Variants in PLCL1 observed in about 807,000 individuals in gnomAD.
The protein encoded by PLCL1 is inactive phospholipase C-like protein 1.
A neutral mutation model predicts 84.4 loss-of-function variants in PLCL1; 41 were observed. The observed-to-expected ratio is 0.49, with a 90% CI of 0.38 to 0.63. The LOEUF is 0.63. Ranked by LOEUF, PLCL1 falls within the 30% of genes least tolerant of loss-of-function variation. The probability of loss-of-function intolerance (pLI) is 0.00; values close to 1 mark genes in which losing one functional copy is unlikely to be tolerated. For missense variants in PLCL1, 1,206 were observed against 1,367.8 expected, an observed-to-expected ratio of 0.88 and a Z score of 1.87; for synonymous variants, 490 against 488.3, an observed-to-expected ratio of 1.00 and a Z score of -0.05.
intron 1 of PLCL1, among the ~76,000 whole-genome samples, chr2:197,893,157 C>T (rs548276999): frequency 1.6e-4 from 24 of 152,296 alleles, no homozygotes; most frequent in Non-Finnish European, 2.8e-4. Flanking sequence ...ATATAACCAA[C>T]AGATGAATTA....
intron 1 of PLCL1, among the ~76,000 whole-genome samples, chr2:198,068,971 G>T (rs1207188844): frequency 6.6e-6 from 1 of 152,002 alleles, no homozygotes; most frequent in African/African-American, 2.4e-5. Context: ...GGAGGCGGAG[G>T]TTGCAGTGAG....
At chr2:197,983,762 G>A (rs1361350951) in intron 1 of PLCL1, among the ~76,000 whole-genome samples, 1 of 152,192 alleles carries the variant, frequency 6.6e-6, no homozygotes, top group Admixed American at 6.5e-5. Flanking sequence ...GAACTTTGTG[G>A]CTATTTTGTA....
At position 198,085,546 on chromosome 2, in the gene PLCL1, A is replaced by G. The variant is rs1167425548; in HGVS notation, c.2029A>G (p.Met677Val). Residue 677 changes from methionine to valine, a missense_variant, in exon 2 of 6, where the codon ATG (methionine) becomes GTG (valine). Physicochemically the swap from Met to Val is conservative, Grantham distance 21. Transcript: ENST00000428675. The surrounding 1 kb of genome is among the most constrained non-coding windows in gnomAD (Gnocchi z 5.3). ...AATGAATTTTCAGACTCCGGGTCCA[A>G]TGATGGACCTTCACACGGGCTGGTT... ...VAMNFQTPGP[M>V]MDLHTGWFLQ... 5 of 1,613,512 alleles carry G rather than the reference A, an allele frequency of 3.1e-6. No individual in the cohort carries two copies. The highest frequency in any genetic ancestry group is 2.2e-5 in the East Asian group (1 of 44,888).
chr2:197,934,935 G>T (rs532898290), intron 1 of PLCL1, among the ~76,000 whole-genome samples: 1 of 152,150 alleles, frequency 6.6e-6, no homozygotes, highest in African/African-American at 2.4e-5. Flanking sequence ...AAATTAACAA[G>T]CAAGAAACAA....
intron 1 of PLCL1, among the ~76,000 whole-genome samples, chr2:197,814,072 T>C (rs971561808): frequency 2.6e-5 from 4 of 152,210 alleles, no homozygotes; most frequent in Admixed American, 6.5e-5. Flanking sequence ...TACTTTAATA[T>C]TGCATTCCAT....
chr2:198,134,686 A>G (rs1362189245), intron 5 of PLCL1, among the ~76,000 whole-genome samples: 1 of 152,190 alleles, frequency 6.6e-6, no homozygotes, highest in African/African-American at 2.4e-5. Context: ...AAAAGGACAT[A>G]TCTAGACCAG....
intron 1 of PLCL1, among the ~76,000 whole-genome samples, chr2:198,054,176 T>C (rs1692009162): frequency 6.6e-6 from 1 of 152,188 alleles, no homozygotes. Flanking sequence ...AATACATAGG[T>C]ATAATAATGT....
chr2:198,007,809 A>T (rs1412019639), intron 1 of PLCL1, among the ~76,000 whole-genome samples: 1 of 152,122 alleles, frequency 6.6e-6, no homozygotes, highest in Non-Finnish European at 1.5e-5. Flanking sequence ...TTACACCCTG[A>T]CTGTCTCCAT....
At chr2:197,851,248 A>G (rs700685) in intron 1 of PLCL1, among the ~76,000 whole-genome samples, 108,276 of 152,182 alleles carry the variant, frequency 0.71, 39,263 homozygotes, top group African/African-American at 0.85. Flanking sequence ...TTTTATGTAA[A>G]TGCAGTTTTT....
chr2:197,933,975 C>T (rs567868191), intron 1 of PLCL1, among the ~76,000 whole-genome samples: 246 of 152,082 alleles, frequency 1.6e-3, no homozygotes, highest in Non-Finnish European at 2.4e-3. Context: ...TGCAGAAATA[C>T]ATACTGTGAA....
At chr2:197,807,363 G>GA (rs1690506284) in intron 1 of PLCL1, among the ~76,000 whole-genome samples, 1 of 28,156 alleles carries the variant, frequency 3.6e-5, no homozygotes, top group South Asian at 8.4e-4. Flanking sequence ...AATCTGGCTA[G>GA]AGTTTTACAA....
intron 1 of PLCL1, among the ~76,000 whole-genome samples, chr2:197,954,609 A>G (rs1223658598): frequency 2.0e-5 from 3 of 152,070 alleles, no homozygotes; most frequent in Non-Finnish European, 4.4e-5. Flanking sequence ...CTTGAGAATA[A>G]TAGTTTTGGA....
chr2:197,910,142 A>G (rs1688458071), intron 1 of PLCL1, among the ~76,000 whole-genome samples: 2 of 152,218 alleles, frequency 1.3e-5, no homozygotes, highest in Admixed American at 1.3e-4. Context: ...TGTATACAAG[A>G]TGGTTAGCAT....
chr2:198,104,973 G>A (rs1313075374), intron 5 of PLCL1, among the ~76,000 whole-genome samples: 1 of 152,114 alleles, frequency 6.6e-6, no homozygotes, highest in East Asian at 1.9e-4. Flanking sequence ...TCTGTAGGTT[G>A]TCTGTTTGCT....
At chr2:198,123,905 C>G (rs192945589) in intron 5 of PLCL1, among the ~76,000 whole-genome samples, 1 of 152,074 alleles carries the variant, frequency 6.6e-6, no homozygotes, top group African/African-American at 2.4e-5. Flanking sequence ...TCCAGCCCCC[C>G]AGTCCATGGA....
At chr2:197,852,347 G>T (rs2105683572) in intron 1 of PLCL1, among the ~76,000 whole-genome samples, 1 of 152,312 alleles carries the variant, frequency 6.6e-6, no homozygotes, top group East Asian at 1.9e-4. Flanking sequence ...CCTGGCTCTA[G>T]ATTGTCATCT....
chr2:197,947,237 AATAT>A (rs55700681), intron 1 of PLCL1, among the ~76,000 whole-genome samples: 3,413 of 142,734 alleles, frequency 0.024, 85 homozygotes, highest in Non-Finnish European at 0.031. Context: ...TGCTTAGATA[AATAT>A]ATATATATAT....
chr2:198,105,601 G>GGGGTGT (rs1553518574), intron 5 of PLCL1, among the ~76,000 whole-genome samples: 2 of 143,722 alleles, frequency 1.4e-5, no homozygotes, highest in Non-Finnish European at 3.0e-5. Flanking sequence ...TAATTTGCCT[G>GGGGTGT]GTGTGTGTGT....
intron 1 of PLCL1, among the ~76,000 whole-genome samples, chr2:198,065,350 TA>T (rs1192986727): frequency 1.3e-5 from 2 of 152,284 alleles, no homozygotes; most frequent in East Asian, 3.9e-4. Context: ...TTTTCAAGTC[TA>T]AATAACTTAA....
Sources: allele counts gnomAD v4.1 joint callset (sites outside exome capture counted in the v4.1 genomes callset), GRCh38; gene constraint gnomAD v4.1.1; non-coding constraint Gnocchi (gnomAD v3.1); transcripts MANE v1.5; gene names NCBI Gene and HGNC (gene_info 2026-07-23, HGNC 2026-07-21).